Variants in CCSER1 observed in about 807,000 individuals in gnomAD.
CCSER1 encodes serine-rich coiled-coil domain-containing protein 1.
A neutral mutation model predicts 82.0 loss-of-function variants in CCSER1; 41 were observed. The ratio of observed to expected loss-of-function variants is 0.50; its 90% CI spans 0.39 to 0.65. The LOEUF (loss-of-function observed/expected upper bound fraction) is 0.65, where lower values mean the gene tolerates loss of function less well. CCSER1 is among the 30% of genes least tolerant of loss of function. The pLI, the probability that CCSER1 is intolerant of heterozygous loss-of-function variation, is 0.00. For missense variants in CCSER1, 1,119 were observed against 1,064.2 expected (o/e 1.05, Z -0.72); for synonymous variants, 414 against 383.9 (o/e 1.08, Z -0.92).
rs760274993 is a variant in CCSER1, at chr4:90,308,474, C to T, written c.190C>T (p.Arg64Cys). The change falls in exon 2 of 11, where the codon CGT (arginine) becomes TGT (cysteine). Residue 64 changes from arginine (R) to cysteine (C), a missense_variant. Physicochemically the swap from Arg to Cys is radical, Grantham distance 180. Coordinates refer to ENST00000509176, the MANE Select transcript of CCSER1 (RefSeq NM_001145065.2). Reference protein sequence around the residue: ...GSTGKRRSIFRTPSISFHHKK... With the variant: ...GSTGKRRSIFCTPSISFHHKK... ...CACAGGTAAACGGAGGAGCATATTC[C>T]GTACTCCTTCCATTAGCTTCCACCA... The T allele has an allele frequency of 7.4e-6, 12 of 1,613,722 alleles. No homozygotes were observed. Among genetic ancestry groups the T allele is most frequent in the Admixed American group, 6.7e-5 (4 of 59,966 alleles).
At chr4:91,502,611 G>C (rs1759269814) in intron 10 of CCSER1, among the ~76,000 whole-genome samples, 1 of 152,118 alleles carries the variant, frequency 6.6e-6, no homozygotes, top group Admixed American at 6.5e-5. Flanking sequence ...AACTGCAGCA[G>C]GTCTCATTTG....
chr4:91,256,756 G>T lies in CCSER1; in HGVS notation c.2217+170762G>T, dbSNP rs1740720776. On this transcript the variant is annotated intron_variant, in intron 10 of 10. Transcript: ENST00000509176. ...CATTATAATAAAATTGGCATAGCAA[G>T]CATGTTAATTAGTGAAATAATCAGT... 2.0e-5 allele frequency among the ~76,000 whole-genome samples: 3 copies of T among 152,142 alleles called. No homozygotes were observed. The South Asian group carries it at 6.2e-4, about 32-fold the overall frequency.
At chr4:91,282,585 T>A (rs1742997771) in intron 10 of CCSER1, among the ~76,000 whole-genome samples, 1 of 152,122 alleles carries the variant, frequency 6.6e-6, no homozygotes, top group Non-Finnish European at 1.5e-5. Context: ...CTAAATAGAT[T>A]AGAGACAGAA....
At chr4:90,948,795 T>C (rs1732564856) in intron 9 of CCSER1, among the ~76,000 whole-genome samples, 1 of 141,812 alleles carries the variant, frequency 7.1e-6, no homozygotes, top group Non-Finnish European at 1.5e-5. Context: ...ATGATTCACA[T>C]GAATTCACAT....
At chr4:91,441,726 T>C (rs536045653) in intron 10 of CCSER1, among the ~76,000 whole-genome samples, 64 of 152,160 alleles carry the variant, frequency 4.2e-4, no homozygotes, top group African/African-American at 1.5e-3. Context: ...AAAACCCCAT[T>C]GTCTCAGCCC....
intron 10 of CCSER1, among the ~76,000 whole-genome samples, chr4:91,173,407 A>T (rs997213294): frequency 6.6e-6 from 1 of 152,214 alleles, no homozygotes; most frequent in South Asian, 2.1e-4. Flanking sequence ...ATCTTGGCTA[A>T]CACGGTGAAA....
At chr4:91,368,700 G>C (rs1373330661) in intron 10 of CCSER1, among the ~76,000 whole-genome samples, 1 of 151,914 alleles carries the variant, frequency 6.6e-6, no homozygotes, top group Admixed American at 6.6e-5. Flanking sequence ...ATTTTAGTTT[G>C]GTAGCAATTT....
chr4:90,245,307 A>G lies in CCSER1; in HGVS notation c.-41-62937A>G, dbSNP rs552203956. On this transcript the variant is annotated intron_variant, in intron 1 of 10. Coordinates refer to ENST00000509176, the MANE Select transcript of CCSER1 (RefSeq NM_001145065.2). ...TATGTTTTTAGGCTAAATATGTCCA[A>G]TGCTTTATAGCTCTTGAAAAAATTT... 3.9e-5 allele frequency among the ~76,000 whole-genome samples: 6 copies of G among 152,262 alleles called. No homozygotes were observed. The East Asian group carries it at 5.8e-4, about 15-fold the overall frequency.
intron 4 of CCSER1, among the ~76,000 whole-genome samples, chr4:90,424,286 A>G (rs1215869370): frequency 2.6e-5 from 4 of 152,134 alleles, no homozygotes; most frequent in Non-Finnish European, 4.4e-5. Context: ...TGAAAAATCC[A>G]TAGGGGTGAT....
intron 8 of CCSER1, among the ~76,000 whole-genome samples, chr4:90,879,045 T>C (rs1720804129): frequency 6.6e-6 from 1 of 152,146 alleles, no homozygotes; most frequent in African/African-American, 2.4e-5. Context: ...CTCCAGAGGT[T>C]TTGCTCCCTG....
At chr4:91,475,906 G>T (rs926732509) in intron 10 of CCSER1, among the ~76,000 whole-genome samples, 3 of 151,688 alleles carry the variant, frequency 2.0e-5, no homozygotes, top group Non-Finnish European at 3.0e-5. Context: ...TTGTCTCTCT[G>T]TATCAGGCAT....
chr4:91,458,505 G>A (rs1444103760), intron 10 of CCSER1, among the ~76,000 whole-genome samples: 1 of 151,990 alleles, frequency 6.6e-6, no homozygotes, highest in African/African-American at 2.4e-5. Context: ...GGCTATGTGG[G>A]TCTTTTGTGG....
chr4:91,259,728 G>A (rs964749081), intron 10 of CCSER1, among the ~76,000 whole-genome samples: 1 of 152,016 alleles, frequency 6.6e-6, no homozygotes, highest in African/African-American at 2.4e-5. Flanking sequence ...TGCTGAGAAT[G>A]AAGGCTTCCA....
intron 5 of CCSER1, among the ~76,000 whole-genome samples, chr4:90,616,737 A>AT (rs1560820011): frequency 5.3e-4 from 38 of 71,284 alleles, no homozygotes; most frequent in African/African-American, 3.0e-3. Context: ...ACACACACAC[A>AT]CAAATAAAAT....
At chr4:90,591,160 C>T (rs1782645181) in intron 5 of CCSER1, among the ~76,000 whole-genome samples, 1 of 152,110 alleles carries the variant, frequency 6.6e-6, no homozygotes, top group African/African-American at 2.4e-5. Context: ...TAGCCTGAAA[C>T]TTTGCTGAAG....
chr4:91,460,771 C>T, intron 10 of CCSER1, among the ~76,000 whole-genome samples: 1 of 152,106 alleles, frequency 6.6e-6, no homozygotes, highest in East Asian at 1.9e-4. Context: ...CACTTTCATC[C>T]ATAAATGTGA....
intron 7 of CCSER1, among the ~76,000 whole-genome samples, chr4:90,809,779 C>G (rs988022882): frequency 2.0e-5 from 3 of 151,896 alleles, no homozygotes; most frequent in Non-Finnish European, 4.4e-5. Flanking sequence ...GCAGTCCTAG[C>G]TACTTGGGAG....
intron 7 of CCSER1, among the ~76,000 whole-genome samples, chr4:90,769,992 A>G (rs185486064): frequency 2.8e-4 from 42 of 152,254 alleles, no homozygotes; most frequent in Admixed American, 5.2e-4. Flanking sequence ...AACGGAACTG[A>G]TGGAAAGCTA....
Position 91,508,983 on chromosome 4 carries a change from T to G in CCSER1, c.2218-89589T>G, listed in dbSNP as rs1255003040. On this transcript the variant is annotated intron_variant, in intron 10 of 10. Transcript: ENST00000509176. ...TATGATTTTAGTAATTTGTGTGTTCTCTCTTTCTAGTCATTCTAGCTAAAA... is the reference window on the plus strand; with the variant it reads ...TATGATTTTAGTAATTTGTGTGTTCGCTCTTTCTAGTCATTCTAGCTAAAA... 3.3e-5 allele frequency among the ~76,000 whole-genome samples: 5 copies of G among 151,620 alleles called. No individual in the cohort carries two copies. The Admixed American group carries it at 3.3e-4, about 10-fold the overall frequency.
Sources: gnomAD v4.1 joint callset for allele counts (sites outside exome capture counted in the v4.1 genomes callset) on GRCh38, gnomAD v4.1.1 for gene constraint, MANE v1.5 for transcripts, NCBI Gene and HGNC (gene_info 2026-07-23, HGNC 2026-07-21) for gene names.